RBFOX1: variants seen among roughly 807,000 people sequenced by gnomAD.
RBFOX1 encodes the protein RNA binding fox-1 homolog 1.
A neutral mutation model predicts 57.7 loss-of-function variants in RBFOX1; 8 were observed. The ratio of observed to expected loss-of-function variants is 0.14; its 90% CI spans 0.08 to 0.25. RBFOX1 has a LOEUF of 0.25. Among genes scored for constraint, RBFOX1 ranks in the 10% least tolerant of loss-of-function variants. RBFOX1 has a pLI of 1.00. For synonymous variants in RBFOX1, 326 were observed against 222.4 expected, an observed-to-expected ratio of 1.47 and a Z score of -4.15; for missense variants, 611 against 548.5, an observed-to-expected ratio of 1.11 and a Z score of -1.14.
chr16:7,591,568 C>T (rs1416248316), intron 7 of RBFOX1, among the ~76,000 whole-genome samples: 1 of 152,140 alleles, frequency 6.6e-6, no homozygotes, highest in East Asian at 1.9e-4. Context: ...CTCTTAAGGT[C>T]CCCGTTATCT....
chr16:6,905,908 C>T (rs1198764378), intron 3 of RBFOX1, among the ~76,000 whole-genome samples: 1 of 152,190 alleles, frequency 6.6e-6, no homozygotes, highest in Non-Finnish European at 1.5e-5. Context: ...CAGGCTTTCT[C>T]TGTAGTGACA....
intron 2 of RBFOX1, among the ~76,000 whole-genome samples, chr16:6,433,596 T>C (rs1323773812): frequency 6.6e-6 from 1 of 152,164 alleles, no homozygotes; most frequent in Non-Finnish European, 1.5e-5. Flanking sequence ...CTTATGAACG[T>C]ATTATCCTCG....
At chr16:7,586,108 G>T (rs767797972) in intron 6 of RBFOX1, among the ~76,000 whole-genome samples, 2 of 152,196 alleles carry the variant, frequency 1.3e-5, no homozygotes, top group Non-Finnish European at 2.9e-5. Context: ...TATTTATGTT[G>T]CCCTGTTTAA....
chr16:5,250,438 A>C (rs1359083148), intron 1 of RBFOX1, among the ~76,000 whole-genome samples: 2 of 151,948 alleles, frequency 1.3e-5, no homozygotes, highest in African/African-American at 4.8e-5. Flanking sequence ...CTCACCCCCG[A>C]CAGGCCCTGG....
intron 3 of RBFOX1, among the ~76,000 whole-genome samples, chr16:7,034,739 G>T (rs1198202500): frequency 6.7e-6 from 1 of 149,230 alleles, no homozygotes; most frequent in Non-Finnish European, 1.5e-5. Flanking sequence ...TAGATTTATT[G>T]TGAATTACCT....
chr16:5,710,494 G>A (rs557589088), intron 3 of RBFOX1, among the ~76,000 whole-genome samples: 8 of 152,186 alleles, frequency 5.3e-5, no homozygotes, highest in Non-Finnish European at 7.3e-5. Context: ...TCACAATGCT[G>A]CCCTAATTGT....
intron 4 of RBFOX1, among the ~76,000 whole-genome samples, chr16:7,354,132 A>G (rs2146161777): frequency 6.6e-6 from 1 of 152,030 alleles, no homozygotes. Context: ...CACCACGCCC[A>G]GCTAATTTTT....
At chr16:6,469,796 T>C (rs2095133613) in intron 2 of RBFOX1, among the ~76,000 whole-genome samples, 1 of 152,150 alleles carries the variant, frequency 6.6e-6, no homozygotes, top group Non-Finnish European at 1.5e-5. Flanking sequence ...TATCCAAGAG[T>C]ACCATCTTAT....
intron 4 of RBFOX1, among the ~76,000 whole-genome samples, chr16:7,196,563 C>A (rs1023479567): frequency 6.6e-6 from 1 of 152,168 alleles, no homozygotes; most frequent in Admixed American, 6.5e-5. Flanking sequence ...TTCACCCTGA[C>A]AACAATCCTG....
chr16:5,963,639 CAAG>C (rs2059792817), intron 4 of RBFOX1, among the ~76,000 whole-genome samples: 6 of 152,156 alleles, frequency 3.9e-5, no homozygotes, highest in Admixed American at 3.9e-4. Context: ...ACAAGGGTGA[CAAG>C]AACCTGCAAT....
chr16:7,686,323 A>T (rs2076055671), intron 14 of RBFOX1, among the ~76,000 whole-genome samples: 1 of 152,050 alleles, frequency 6.6e-6, no homozygotes, highest in Non-Finnish European at 1.5e-5. Context: ...GGGGAATAGA[A>T]ATTGGGAACC....
chr16:7,520,841 CAT>C (rs2077372972), intron 5 of RBFOX1, among the ~76,000 whole-genome samples: 1 of 152,152 alleles, frequency 6.6e-6, no homozygotes, highest in African/African-American at 2.4e-5. Context: ...TCCAATCAGA[CAT>C]TATTTATTAA....
At chr16:6,137,873 G>T (rs1375191206) in intron 1 of RBFOX1, among the ~76,000 whole-genome samples, 2 of 152,070 alleles carry the variant, frequency 1.3e-5, no homozygotes, top group Non-Finnish European at 2.9e-5. Context: ...ATCTCCCAAA[G>T]TGTTGGGATC....
At chr16:6,487,571 G>C (rs970977384) in intron 2 of RBFOX1, among the ~76,000 whole-genome samples, 2 of 149,354 alleles carry the variant, frequency 1.3e-5, no homozygotes, top group Non-Finnish European at 3.0e-5. Context: ...AGAATCTGTC[G>C]GCAAGCTCCA....
rs143307315 is a variant in RBFOX1 at position 5,861,954 on chromosome 16, C to T, written c.319-5349C>T. Among the ~76,000 whole-genome samples, 17 of 152,228 alleles carry T rather than the reference C, an allele frequency of 1.1e-4. No individual in the cohort carries two copies. The East Asian group carries it at 3.1e-3, about 28-fold the overall frequency. ...TGGAGGAGATGCGTCTTATACTGTA[C>T]GTGAGATTAAAGTTTTACACAGAGT... On this transcript the variant is annotated intron_variant, in intron 3 of 19. Coordinates refer to the RBFOX1 transcript ENST00000641259.
At chr16:6,762,333 A>G (rs1346499549) in intron 3 of RBFOX1, among the ~76,000 whole-genome samples, 1 of 152,210 alleles carries the variant, frequency 6.6e-6, no homozygotes, top group African/African-American at 2.4e-5. Context: ...TAATATGTCA[A>G]TGTTGGCTTT....
intron 3 of RBFOX1, among the ~76,000 whole-genome samples, chr16:6,756,516 C>T (rs777282381): frequency 1.3e-5 from 2 of 152,062 alleles, no homozygotes; most frequent in African/African-American, 4.8e-5. Flanking sequence ...ACAATGAATG[C>T]AGCAAAGAGA....
intron 1 of RBFOX1, among the ~76,000 whole-genome samples, chr16:5,320,071 C>G (rs1472776690): frequency 6.6e-6 from 1 of 152,168 alleles, no homozygotes; most frequent in African/African-American, 2.4e-5. Flanking sequence ...TGGGGTTTGG[C>G]AAACACATGG....
chr16:6,524,235 A>G (rs1287767860), intron 2 of RBFOX1, among the ~76,000 whole-genome samples: 2 of 152,182 alleles, frequency 1.3e-5, no homozygotes, highest in African/African-American at 4.8e-5. Context: ...GATTAGTGAG[A>G]ATATGCACTG....
Sources: gnomAD v4.1 joint callset for allele counts (sites outside exome capture counted in the v4.1 genomes callset) on GRCh38, gnomAD v4.1.1 for gene constraint, MANE v1.5 for transcripts, NCBI Gene and HGNC (gene_info 2026-07-23, HGNC 2026-07-21) for gene names.